Variants in LAMA5 observed in about 807,000 individuals in gnomAD.
LAMA5 encodes laminin subunit alpha 5.
A neutral mutation model predicts 433.4 loss-of-function variants in LAMA5; 260 were observed. The ratio of observed to expected loss-of-function variants is 0.60; its 90% confidence interval spans 0.54 to 0.66. The LOEUF (loss-of-function observed/expected upper bound fraction) is 0.66. Among genes scored for constraint, LAMA5 ranks in the 30% least tolerant of loss-of-function variants. The probability of loss-of-function intolerance (pLI) is 0.00; values close to 1 mark genes in which losing one functional copy is unlikely to be tolerated. For synonymous variants in LAMA5, 2,620 were observed against 2,226.6 expected (o/e 1.18, Z -4.97); for missense variants, 5,378 against 5,258.5 (o/e 1.02, Z -0.70).
rs756189022 is a variant in LAMA5 at position 62,330,804 on chromosome 20, C to T, written c.3791G>A (p.Arg1264Gln). The change falls in exon 30 of 80, where the codon CGA (arginine) becomes CAA (glutamine). Residue 1264 changes from arginine (R) to glutamine (Q), a missense_variant. Coordinates refer to ENST00000252999, the MANE Select transcript of LAMA5 (RefSeq NM_005560.6). ...GTCCACAGCGGTGGGGGGCCGAGGTCGGGGTCCAGCTGGGGACATGGCTGG... is the reference window on the plus strand; with the variant it reads ...GTCCACAGCGGTGGGGGGCCGAGGTTGGGGTCCAGCTGGGGACATGGCTGG... ...LTPAMSPAGP[R>Q]PRPPTAVDPD... is the part of the protein sequence containing the mutation. 2.8e-5 allele frequency: 43 copies of T among 1,557,342 alleles called. No individual in the cohort carries two copies. Among genetic ancestry groups the T allele is most frequent in the East Asian group, 1.2e-4 (5 of 41,758 alleles).
rs1601427241 is a variant in LAMA5 at position 62,359,369 on chromosome 20, G to C, written c.450+3031C>G. Reference sequence around the variant, plus strand: ...GCTGGGCTAGCGTGCTGGTGTAGTGGGGCAAGGGCCTGGACCCTGCGGCAG... The same window carrying C: ...GCTGGGCTAGCGTGCTGGTGTAGTGCGGCAAGGGCCTGGACCCTGCGGCAG... On this transcript the variant is annotated intron_variant, in intron 2 of 79. Transcript: ENST00000252999. The surrounding 1 kb of genome is among the most constrained non-coding windows in gnomAD (Gnocchi z 4.3). 6.6e-6 allele frequency among the ~76,000 whole-genome samples: 1 copy of C among 152,170 alleles called. No individual in the cohort carries two copies. The highest frequency in any genetic ancestry group is 2.1e-4 in the South Asian group (1 of 4,836).
chr20:62,336,205 A>G (rs1601366486), intron 18 of LAMA5, 135 bp downstream of exon 18: 1 of 608,284 alleles, frequency 1.6e-6, no homozygotes, highest in Non-Finnish European at 2.9e-6. Flanking sequence ...CCCATATCCC[A>G]CCACTCCCTC....
rs1208729247 is a variant in LAMA5, at chr20:62,333,488, G to A, written c.3022-7C>T. 1.9e-6 allele frequency: 3 copies of A among 1,608,766 alleles called. No homozygotes were observed. Among genetic ancestry groups the A allele is most frequent in the South Asian group, 1.1e-5 (1 of 90,248 alleles). On this transcript the variant is annotated splice_region_variant and splice_polypyrimidine_tract_variant and intron_variant, in intron 24 of 79. Coordinates refer to ENST00000252999, the MANE Select transcript of LAMA5 (RefSeq NM_005560.6). ...GCAGCAGAACCACGTAGTCCTGCAG[G>A]GTGGAGGTGGTGCTGAGAGTGGTGG... is the stretch of plus-strand genomic sequence containing the variant.
Position 62,338,615 on chromosome 20 carries a change from G to A in LAMA5, c.1478-7C>T, listed in dbSNP as rs777375155. On this transcript the variant is annotated splice_polypyrimidine_tract_variant and splice_region_variant and intron_variant, in intron 11 of 79. Coordinates refer to ENST00000252999, the MANE Select transcript of LAMA5 (RefSeq NM_005560.6). ...GCCGCGCTGCAGTCACAATCTGGAG[G>A]GTGGGGACAGGCAGGGGAGTCTCAG... The A allele has an allele frequency of 2.5e-6, 4 of 1,605,538 alleles. No homozygotes were observed. The highest frequency in any genetic ancestry group is 2.2e-5 in the East Asian group (1 of 44,692).
chr20:62,353,245 G>T lies in LAMA5; in HGVS notation c.457C>A (p.His153Asn). 6.3e-7 allele frequency: 1 copy of T among 1,594,266 alleles called. No homozygotes were observed. The highest frequency in any genetic ancestry group is 2.3e-5 in the East Asian group (1 of 44,072). Residue 153 changes from histidine (H) to asparagine (N), a missense_variant, in exon 3 of 80, where the codon CAC becomes AAC. Transcript: ENST00000252999. Reference sequence around the variant, plus strand: ...AACTTGATGAGGACGTAGGCCACGTGGAAGACCTGTGGGCCGAGAGGGCGT... The same window carrying T: ...AACTTGATGAGGACGTAGGCCACGTTGAAGACCTGTGGGCCGAGAGGGCGT... ...NVTLDLGQVF[H>N]VAYVLIKFAN...
rs146887751 is a variant in LAMA5 at position 62,327,664 on chromosome 20, G to A, written c.4803C>T (p.Asn1601=). Residue 1601 remains asparagine (N), a synonymous_variant, in exon 37 of 80, where the codon AAC becomes AAT. Transcript: ENST00000252999. Reference sequence around the variant, plus strand: ...ACTGGTCACATTTGGGGCCCTGCACGTTCTCCTAGGGATGAGAGGACAGTG... The same window carrying A: ...ACTGGTCACATTTGGGGCCCTGCACATTCTCCTAGGGATGAGAGGACAGTG... ...PLTGQCYCKE[N]VQGPKCDQCS... 2.4e-5 allele frequency: 39 copies of A among 1,612,730 alleles called. No individual in the cohort carries two copies. The highest frequency in any genetic ancestry group is 3.0e-5 in the Non-Finnish European group (35 of 1,179,810).
At position 62,330,872 on chromosome 20, in the gene LAMA5, C is replaced by T. The variant is rs201685485; in HGVS notation, c.3723G>A (p.Pro1241=). 2.1e-5 allele frequency: 32 copies of T among 1,540,732 alleles called. No individual in the cohort carries two copies. Among genetic ancestry groups the T allele is most frequent in the East Asian group, 2.0e-4 (8 of 40,804 alleles). Residue 1241 remains proline (P), a synonymous_variant, in exon 30 of 80, where the codon CCG becomes CCA. Transcript: ENST00000252999. ...GGGTCAGCGGGAGGCCGGGCGGCAG[C>T]GGGATCACCTGGCAGTCCCTGAGGA... ...PIILRDCQVI[P]LPPGLPLTHA...
chr20:62,333,442 C>T lies in LAMA5; in HGVS notation c.3061G>A (p.Ala1021Thr). Reference sequence around the variant, plus strand: ...TCAGTCACCCGCAGCTGCAGGAGCGCCGCCTCGTAGTATGCGCTAGGCAGC... The same window carrying T: ...TCAGTCACCCGCAGCTGCAGGAGCGTCGCCTCGTAGTATGCGCTAGGCAGC... The part of the protein sequence containing the change: ...VLLPSAYYEA[A>T]LLQLRVTEAC... The change falls in exon 25 of 80, where the codon GCG (alanine) becomes ACG (threonine). Residue 1021 changes from alanine to threonine, a missense_variant. Transcript: ENST00000252999. The T allele has an allele frequency of 6.2e-7, 1 of 1,612,738 alleles. No individual in the cohort carries two copies.
At chr20:62,330,075 A>T (rs950375515) in intron 31 of LAMA5, among the ~76,000 whole-genome samples, 159 bp from the exon 32 acceptor site, 1 of 152,220 alleles carries the variant, frequency 6.6e-6, no homozygotes, top group African/African-American at 2.4e-5. Context: ...CCGGCCCCTC[A>T]TGTCACGGGG....
intron 2 of LAMA5, 50 bp downstream of exon 2, chr20:62,362,350 G>C: frequency 2.9e-6 from 4 of 1,401,240 alleles, no homozygotes; most frequent in Non-Finnish European, 3.7e-6. Flanking sequence ...TAGGCCCGAC[G>C]GGCACAGACA....
At chr20:62,345,762 G>T (rs1416965356) in intron 11 of LAMA5, 56 bp downstream of exon 11, 23 of 1,287,504 alleles carry the variant, frequency 1.8e-5, no homozygotes, top group Non-Finnish European at 2.4e-5. Context: ...TTTCTGTGAA[G>T]CCGCCCCCAT....
At position 62,333,686 on chromosome 20, in the gene LAMA5, C is replaced by T. The variant is rs371365867; in HGVS notation, c.2899G>A (p.Val967Met). 61 of 1,594,146 alleles carry T rather than the reference C, an allele frequency of 3.8e-5. No homozygotes were observed. The African/African-American group carries it at 4.7e-4, about 12-fold the overall frequency. The change falls in exon 24 of 80, where the codon GTG becomes ATG. Residue 967 changes from valine to methionine, a missense_variant. Coordinates refer to ENST00000252999, the MANE Select transcript of LAMA5 (RefSeq NM_005560.6). ...GGCTCCGTGCTGGGTGGGAAGGCCA[C>T]GGGCTGACTCTGTGCTGTGCCTGGG... The part of the protein sequence containing the change: ...CANCTAQSQP[V>M]AFPPSTEPAF...
intron 51 of LAMA5, 83 bp from the exon 52 acceptor site, chr20:62,319,096 G>A: frequency 7.2e-7 from 1 of 1,383,144 alleles, no homozygotes; most frequent in Non-Finnish European, 9.5e-7. Context: ...CAAGACCCCA[G>A]CCCTGCCATC....
chr20:62,346,663 G>T lies in LAMA5; in HGVS notation c.1191+19C>A. 6.2e-7 allele frequency: 1 copy of T among 1,610,862 alleles called. No homozygotes were observed. Among genetic ancestry groups the T allele is most frequent in the Non-Finnish European group, 8.5e-7 (1 of 1,177,856 alleles). On this transcript the variant is annotated intron_variant, in intron 8 of 79. Transcript: ENST00000252999. Reference sequence around the variant, plus strand: ...CCACCTCAGGGCCAGCCCATTCCCAGCCCTCTAGCCCAGCCCACCTGGCAG... The same window carrying T: ...CCACCTCAGGGCCAGCCCATTCCCATCCCTCTAGCCCAGCCCACCTGGCAG...
rs764658727 is a variant in LAMA5 at position 62,334,150 on chromosome 20, C to A, written c.2739+36G>T. On this transcript the variant is annotated intron_variant, in intron 22 of 79. Transcript: ENST00000252999. Reference sequence around the variant, plus strand: ...CTGCCAGCCACGCCTGGCTCCACTTCTAGGCTGAGCCTGGGAGGGGGAGCA... The same window carrying A: ...CTGCCAGCCACGCCTGGCTCCACTTATAGGCTGAGCCTGGGAGGGGGAGCA... 4 of 1,602,836 alleles carry A rather than the reference C, an allele frequency of 2.5e-6. No individual in the cohort carries two copies. The East Asian group carries it at 6.7e-5, about 27-fold the overall frequency.
chr20:62,310,133 G>C (rs147246651), intron 77 of LAMA5, 45 bp downstream of exon 77: 3 of 1,611,440 alleles, frequency 1.9e-6, no homozygotes, highest in Non-Finnish European at 2.5e-6. Flanking sequence ...TCACCAGAAT[G>C]GGGAGGCAAA....
At chr20:62,344,144 CAAAAAA>C (rs34940052) in intron 11 of LAMA5, among the ~76,000 whole-genome samples, 3 of 82,640 alleles carry the variant, frequency 3.6e-5, no homozygotes, top group Admixed American at 1.4e-4. Context: ...AACTCCATCT[CAAAAAA>C]AAAAAAAAAA....
Position 62,359,675 on chromosome 20 carries a change from C to A in LAMA5, c.450+2725G>T, listed in dbSNP as rs2146350699. ...TCACCAGTGACCAGCGCTGGAGCCT[C>A]TTCCTGAGGCCCCACCCTTGGAGAG... On this transcript the variant is annotated intron_variant, in intron 2 of 79. Coordinates refer to ENST00000252999, the MANE Select transcript of LAMA5 (RefSeq NM_005560.6). The surrounding 1 kb of genome is among the most constrained non-coding windows in gnomAD (Gnocchi z 4.3). Among the ~76,000 whole-genome samples, 1 of 152,208 alleles carries A rather than the reference C, an allele frequency of 6.6e-6. No homozygotes were observed. Among genetic ancestry groups the A allele is most frequent in the African/African-American group, 2.4e-5 (1 of 41,528 alleles).
intron 11 of LAMA5, among the ~76,000 whole-genome samples, chr20:62,340,519 C>T (rs1361592773): frequency 6.6e-6 from 1 of 151,480 alleles, no homozygotes; most frequent in Admixed American, 6.6e-5. Context: ...CCATGTTGGT[C>T]AGGCTCGTCT....
Sources: allele counts gnomAD v4.1 joint callset (sites outside exome capture counted in the v4.1 genomes callset), GRCh38; gene constraint gnomAD v4.1.1; non-coding constraint Gnocchi (gnomAD v3.1); transcripts MANE v1.5; gene names NCBI Gene and HGNC (gene_info 2026-07-23, HGNC 2026-07-21).